DISP3: variants seen among roughly 807,000 people sequenced by gnomAD.
DISP3 encodes the protein protein dispatched homolog 3.
In DISP3, 101 loss-of-function variants were observed where a neutral mutation model predicts 135.3. The observed-to-expected ratio is 0.75, with a 90% CI of 0.64 to 0.88. The LOEUF is 0.88. DISP3 is among the 40% of genes least tolerant of loss of function. The probability of loss-of-function intolerance (pLI) is 0.00; values close to 1 mark genes in which losing one functional copy is unlikely to be tolerated. For synonymous variants in DISP3, 856 were observed against 817.0 expected (o/e 1.05, Z -0.81); for missense variants, 1,713 against 1,878.6 (o/e 0.91, Z 1.63).
chr1:11,535,899 C>G (rs1444310459), intron 20 of DISP3, among the ~76,000 whole-genome samples: 1 of 152,136 alleles, frequency 6.6e-6, no homozygotes, highest in Non-Finnish European at 1.5e-5. Context: ...TCCAAGGGGG[C>G]CCTCCTGCTT....
intron 1 of DISP3, among the ~76,000 whole-genome samples, chr1:11,496,407 T>A (rs1387593936): frequency 6.6e-6 from 1 of 152,086 alleles, no homozygotes; most frequent in Non-Finnish European, 1.5e-5. Context: ...AGGGCATTGG[T>A]CACTGAGAAG....
intron 5 of DISP3, 27 bp downstream of exon 5, chr1:11,515,530 T>A (rs770890818): frequency 1.3e-6 from 2 of 1,573,850 alleles, no homozygotes; most frequent in East Asian, 2.2e-5. Context: ...GTCATGGCAG[T>A]GCGCCTCCCA....
At chr1:11,500,542 C>T (rs995454778) in intron 1 of DISP3, among the ~76,000 whole-genome samples, 4 of 152,176 alleles carry the variant, frequency 2.6e-5, no homozygotes, top group Non-Finnish European at 5.9e-5. Context: ...TTCCCTTGCA[C>T]CCTGATACTT....
intron 3 of DISP3, among the ~76,000 whole-genome samples, chr1:11,505,886 T>G (rs1641684316): frequency 6.6e-6 from 1 of 152,228 alleles, no homozygotes; most frequent in South Asian, 2.1e-4. Context: ...TGTTTCCCTC[T>G]GGGATCATTT....
intron 3 of DISP3, among the ~76,000 whole-genome samples, chr1:11,504,534 G>T (rs1390229794): frequency 6.6e-6 from 1 of 152,244 alleles, no homozygotes; most frequent in Non-Finnish European, 1.5e-5. Context: ...GTGCAGCTGT[G>T]TTGAGAGGTG....
intron 3 of DISP3, among the ~76,000 whole-genome samples, chr1:11,513,518 G>T (rs889716412): frequency 7.3e-5 from 11 of 151,158 alleles, no homozygotes; most frequent in Non-Finnish European, 1.5e-4. Context: ...CCTTGTCTTT[G>T]TTCCTATGTG....
In DISP3 at chr1:11,501,619, C is replaced by T. The variant is rs1305862156; in HGVS notation, c.627C>T (p.Pro209=). 8 of 1,607,390 alleles carry T rather than the reference C, an allele frequency of 5.0e-6. No individual in the cohort carries two copies. Among genetic ancestry groups the T allele is most frequent in the Non-Finnish European group, 6.8e-6 (8 of 1,177,066 alleles). Residue 209 remains proline (P), a synonymous_variant, in exon 2 of 21, where the codon CCC becomes CCT. Transcript: ENST00000294484. The surrounding 1 kb of genome is among the most constrained non-coding windows in gnomAD (Gnocchi z 4.9). ...RSGRLRRETP[P]LEDLAANQSE... is the part of the protein sequence containing the mutation. ...GGCGACTTCGGCGTGAGACCCCGCC[C>T]CTGGAGGATCTGGCAGCCAACCAGA...
chr1:11,523,852 T>C, intron 10 of DISP3, 90 bp from the exon 11 acceptor site: 1 of 1,039,402 alleles, frequency 9.6e-7, no homozygotes, highest in Non-Finnish European at 1.4e-6. Flanking sequence ...CCTGAGACTG[T>C]CTCAGATCCC....
chr1:11,484,594 C>T (rs918892334), intron 1 of DISP3, among the ~76,000 whole-genome samples: 1 of 152,192 alleles, frequency 6.6e-6, no homozygotes, highest in Non-Finnish European at 1.5e-5. Flanking sequence ...TGGAGAGGGT[C>T]TCGTCTGCAG....
At position 11,531,513 on chromosome 1, in the gene DISP3, G is replaced by C; in HGVS notation, c.3230-52G>C. 1 of 1,611,466 alleles carries C rather than the reference G, an allele frequency of 6.2e-7. No individual in the cohort carries two copies. Among genetic ancestry groups the C allele is most frequent in the Non-Finnish European group, 8.5e-7 (1 of 1,178,760 alleles). On this transcript the variant is annotated intron_variant, in intron 16 of 20. Transcript: ENST00000294484. The surrounding 1 kb of genome is among the most constrained non-coding windows in gnomAD (Gnocchi z 5.2). Reference sequence around the variant, plus strand: ...CGTGGGCACAGGTGTGATGCAGGGGGACAGGCTCTTCCAGGGCCACCACGC... The same window carrying C: ...CGTGGGCACAGGTGTGATGCAGGGGCACAGGCTCTTCCAGGGCCACCACGC...
intron 3 of DISP3, among the ~76,000 whole-genome samples, chr1:11,510,277 T>G (rs1557605723): frequency 6.6e-6 from 1 of 152,196 alleles, no homozygotes; most frequent in Non-Finnish European, 1.5e-5. Flanking sequence ...TTTGAACTAT[T>G]GAATGTTTTT....
chr1:11,497,925 GC>G (rs1181388526), intron 1 of DISP3, among the ~76,000 whole-genome samples: 1 of 152,036 alleles, frequency 6.6e-6, no homozygotes, highest in African/African-American at 2.4e-5. Context: ...ATATCTGACT[GC>G]CCCCCCTCCC....
chr1:11,512,769 A>G (rs564781415), intron 3 of DISP3, among the ~76,000 whole-genome samples: 2 of 152,184 alleles, frequency 1.3e-5, no homozygotes, highest in Non-Finnish European at 2.9e-5. Flanking sequence ...GTCCGTTTTC[A>G]TGCTGCTGAT....
At chr1:11,482,072 G>A (rs1249887877) in intron 1 of DISP3, 2 of 152,144 alleles carry the variant, frequency 1.3e-5, no homozygotes, top group East Asian at 1.9e-4. Flanking sequence ...TCTCATGATC[G>A]CCAGGTCCTT....
chr1:11,535,530 G>T lies in DISP3; in HGVS notation c.3702G>T (p.Gly1234=). 1 of 1,613,100 alleles carries T rather than the reference G, an allele frequency of 6.2e-7. No individual in the cohort carries two copies. Among genetic ancestry groups the T allele is most frequent in the South Asian group, 1.1e-5 (1 of 91,086 alleles). Residue 1234 remains glycine (G), a synonymous_variant, in exon 20 of 21, where the codon GGG becomes GGT. Transcript: ENST00000294484. ...TIMYWSGWEM[G]AVEAISLSIL... ...TGTACTGGAGCGGCTGGGAGATGGG[G>T]GCTGTGGAAGCCATCTCCCTGTCCA... is the stretch of plus-strand genomic sequence containing the variant.
At chr1:11,517,417 G>T in intron 6 of DISP3, 46 bp from the exon 7 acceptor site, 1 of 1,602,878 alleles carries the variant, frequency 6.2e-7, no homozygotes, top group East Asian at 2.2e-5. Flanking sequence ...CCCCCTGACT[G>T]CAGGTCCAAC....
At chr1:11,509,405 C>T (rs1158226900) in intron 3 of DISP3, among the ~76,000 whole-genome samples, 1 of 151,664 alleles carries the variant, frequency 6.6e-6, no homozygotes, top group Admixed American at 6.6e-5. Flanking sequence ...TTAATTAGAT[C>T]AAGTTCATTG....
At chr1:11,506,436 T>A (rs1379731089) in intron 3 of DISP3, among the ~76,000 whole-genome samples, 1 of 152,148 alleles carries the variant, frequency 6.6e-6, no homozygotes, top group Non-Finnish European at 1.5e-5. Flanking sequence ...GGTTTTATTT[T>A]TTTATTTTTT....
At chr1:11,508,371 T>C (rs1641761785) in intron 3 of DISP3, among the ~76,000 whole-genome samples, 1 of 152,088 alleles carries the variant, frequency 6.6e-6, no homozygotes, top group South Asian at 2.1e-4. Flanking sequence ...TGAACTATGA[T>C]TGGGCTACTG....
Sources: allele counts gnomAD v4.1 joint callset (sites outside exome capture counted in the v4.1 genomes callset), GRCh38; gene constraint gnomAD v4.1.1; non-coding constraint Gnocchi (gnomAD v3.1); transcripts MANE v1.5; gene names NCBI Gene and HGNC (gene_info 2026-07-23, HGNC 2026-07-21).